Variants in DAND5 observed in about 807,000 individuals in gnomAD.
DAND5 encodes the protein DAN domain BMP antagonist family member 5.
In DAND5, 8 loss-of-function variants were observed where a neutral mutation model predicts 9.2. That is an observed-to-expected ratio of 0.87 (90% CI 0.51 to 1.56). The LOEUF (loss-of-function observed/expected upper bound fraction) is 1.56. Ranked by LOEUF, DAND5 falls within the 40% of genes most tolerant of loss-of-function variation. The probability of loss-of-function intolerance (pLI) is 0.00; values close to 1 mark genes in which losing one functional copy is unlikely to be tolerated. For missense variants in DAND5, 244 were observed against 244.7 expected (o/e 1.00, Z 0.02); for synonymous variants, 95 against 101.1 (o/e 0.94, Z 0.36).
In DAND5 at chr19:12,974,416, T is replaced by G. The variant is rs1354222846; in HGVS notation, c.*782T>G. ...TCAAATCCACTGTTAATCATTAGGCTGAACTGTCTCTTATAGAATGAGGTC... is the reference window on the plus strand; with the variant it reads ...TCAAATCCACTGTTAATCATTAGGCGGAACTGTCTCTTATAGAATGAGGTC... On this transcript the variant is annotated 3_prime_UTR_variant, in exon 2 of 2. Coordinates refer to ENST00000317060, the MANE Select transcript of DAND5 (RefSeq NM_152654.3). 2 of 152,244 alleles carry G rather than the reference T, an allele frequency of 1.3e-5. No homozygotes were observed. Among genetic ancestry groups the G allele is most frequent in the East Asian group, 3.9e-4 (2 of 5,176 alleles). The allele number at this position is 152,244 out of a possible 1,614,324, so 9.4% of individuals were successfully genotyped here.
rs1386616899 is a variant in DAND5, at chr19:12,973,257, G to A, written c.325-132G>A. Reference sequence around the variant, plus strand: ...TCTCAGCCAAGAGACAGCAGAGTCAGGATTTGAACCCAGGCAGCCTGGCTG... The same window carrying A: ...TCTCAGCCAAGAGACAGCAGAGTCAAGATTTGAACCCAGGCAGCCTGGCTG... On this transcript the variant is annotated intron_variant, in intron 1 of 1. Coordinates refer to ENST00000317060, the MANE Select transcript of DAND5 (RefSeq NM_152654.3). The A allele has an allele frequency of 2.3e-6, 3 of 1,305,850 alleles. No individual in the cohort carries two copies. In the African/African-American group the frequency reaches 4.4e-5, roughly 19 times the overall value. 80.9% of individuals were successfully genotyped at this position (1,305,850 alleles called of 1,614,324 possible).
chr19:12,973,013 C>A (rs1227602965), intron 1 of DAND5, among the ~76,000 whole-genome samples: 1 of 151,788 alleles, frequency 6.6e-6, no homozygotes, highest in Non-Finnish European at 1.5e-5. Context: ...CAGGCGCCCA[C>A]CACCACGCCC....
At position 12,969,635 on chromosome 19, in the gene DAND5, A is replaced by C. The variant is rs1330001306; in HGVS notation, c.-26A>C. ...TTGAGCCCAGTCCGGACAGACAGACAGGCAGACAGACGCACGGACAAGCAG... is the reference window on the plus strand; with the variant it reads ...TTGAGCCCAGTCCGGACAGACAGACCGGCAGACAGACGCACGGACAAGCAG... On this transcript the variant is annotated 5_prime_UTR_variant, in exon 1 of 2. Coordinates refer to ENST00000317060, the MANE Select transcript of DAND5 (RefSeq NM_152654.3). 6.4e-7 allele frequency: 1 copy of C among 1,573,060 alleles called. No homozygotes were observed. Among genetic ancestry groups the C allele is most frequent in the Non-Finnish European group, 8.6e-7 (1 of 1,162,314 alleles).
Position 12,973,541 on chromosome 19 carries a change from C to T in DAND5, c.477C>T (p.Val159=). 6.2e-7 allele frequency: 1 copy of T among 1,614,178 alleles called. No homozygotes were observed. The change falls in exon 2 of 2, where the codon GTC becomes GTT. Residue 159 remains valine (V), a synonymous_variant. Coordinates refer to ENST00000317060, the MANE Select transcript of DAND5 (RefSeq NM_152654.3). Reference sequence around the variant, plus strand: ...CTCGCAAGCGTTGGGCACCCGTGGTCCTGTGGTGTCTCACTGGCAGCTCAG... The same window carrying T: ...CTCGCAAGCGTTGGGCACCCGTGGTTCTGTGGTGTCTCACTGGCAGCTCAG... ...MPARKRWAPV[V]LWCLTGSSAS...
chr19:12,971,243 T>A (rs926931309), intron 1 of DAND5, among the ~76,000 whole-genome samples: 5 of 152,098 alleles, frequency 3.3e-5, no homozygotes, highest in Non-Finnish European at 7.3e-5. Context: ...ATATCCTGCT[T>A]GGCTTTTCTT....
At chr19:12,970,598 C>T (rs2011141476) in intron 1 of DAND5, 2 of 485,250 alleles carry the variant, frequency 4.1e-6, no homozygotes, top group South Asian at 7.0e-5. Context: ...CTTTCTTTTT[C>T]TCTTTCTTTC....
Position 12,969,786 on chromosome 19 carries a change from T to C in DAND5, c.126T>C (p.Ala42=). 1 of 1,593,530 alleles carries C rather than the reference T, an allele frequency of 6.3e-7. No homozygotes were observed. Among genetic ancestry groups the C allele is most frequent in the Non-Finnish European group, 8.5e-7 (1 of 1,170,978 alleles). ...QSWAAANQTW[A]LGPGALPPLV... is the part of the protein sequence containing the mutation. ...GGGCTGCAGCCAATCAGACCTGGGCTCTGGGCCCAGGGGCCCTGCCCCCAC... is the reference window on the plus strand; with the variant it reads ...GGGCTGCAGCCAATCAGACCTGGGCCCTGGGCCCAGGGGCCCTGCCCCCAC... The change falls in exon 1 of 2, where the codon GCT becomes GCC. Residue 42 remains alanine (A), a synonymous_variant. Coordinates refer to ENST00000317060, the MANE Select transcript of DAND5 (RefSeq NM_152654.3).
At chr19:12,972,119 T>C (rs755192067) in intron 1 of DAND5, among the ~76,000 whole-genome samples, 130 of 147,938 alleles carry the variant, frequency 8.8e-4, no homozygotes, top group Non-Finnish European at 1.6e-3. Context: ...AGTGCGGTGG[T>C]GGGATCTCGG....
chr19:12,973,094 C>A (rs957379732), intron 1 of DAND5, among the ~76,000 whole-genome samples: 5 of 150,992 alleles, frequency 3.3e-5, no homozygotes, highest in Non-Finnish European at 7.4e-5. Context: ...GATCTGCTGA[C>A]CTCGTGATCC....
At chr19:12,973,315 T>A (rs900513916) in intron 1 of DAND5, 74 bp from the exon 2 acceptor site, 2 of 1,556,760 alleles carry the variant, frequency 1.3e-6, no homozygotes, top group Admixed American at 3.5e-5. Flanking sequence ...GGGGTGGAAG[T>A]GGACAGGTGA....
chr19:12,973,266 C>A, intron 1 of DAND5, 123 bp from the exon 2 acceptor site: 2 of 1,397,564 alleles, frequency 1.4e-6, no homozygotes, highest in East Asian at 2.4e-5. Flanking sequence ...AGGATTTGAA[C>A]CCAGGCAGCC....
Position 12,972,081 on chromosome 19 carries a change from C to T in DAND5, c.325-1308C>T, listed in dbSNP as rs569047129. The stretch of plus-strand genomic sequence containing the variant: ...ATATTTTTTTTTTTTTTTTTTGAGA[C>T]GGAGTCTCGCTCTGTCGCCCAGGCT... On this transcript the variant is annotated intron_variant, in intron 1 of 1. Coordinates refer to ENST00000317060, the MANE Select transcript of DAND5 (RefSeq NM_152654.3). Among the ~76,000 whole-genome samples, 352 of 142,532 alleles carry T rather than the reference C, an allele frequency of 2.5e-3. 2 individuals carry two copies. Among genetic ancestry groups the T allele is most frequent in the African/African-American group, 8.8e-3 (334 of 38,162 alleles). The allele number at this position is 142,532 out of a possible 152,430, so 93.5% of individuals were successfully genotyped here.
chr19:12,971,667 C>T (rs912954887), intron 1 of DAND5, among the ~76,000 whole-genome samples: 1 of 151,288 alleles, frequency 6.6e-6, no homozygotes, highest in Non-Finnish European at 1.5e-5. Flanking sequence ...TCTCGGCTCA[C>T]TGCACCTCCA....
rs774578194 is a variant in DAND5 at position 12,973,670 on chromosome 19, C to T, written c.*36C>T. 1 of 1,596,302 alleles carries T rather than the reference C, an allele frequency of 6.3e-7. No individual in the cohort carries two copies. Among genetic ancestry groups the T allele is most frequent in the South Asian group, 1.1e-5 (1 of 87,886 alleles). On this transcript the variant is annotated 3_prime_UTR_variant, in exon 2 of 2. Coordinates refer to ENST00000317060, the MANE Select transcript of DAND5 (RefSeq NM_152654.3). ...GTGGATGGGTGCACGGAGACACGCA[C>T]CTTGGAGAAATGAGGGGAGATGGAC...
intron 1 of DAND5, among the ~76,000 whole-genome samples, chr19:12,971,612 G>A (rs938340694): frequency 1.3e-5 from 2 of 149,470 alleles, no homozygotes; most frequent in African/African-American, 4.9e-5. Context: ...TGTTTTTTGA[G>A]ACAGAGTCTC....
rs775699908 is a variant in DAND5 at position 12,973,579 on chromosome 19, G to A, written c.515G>A (p.Arg172Gln). 2.4e-5 allele frequency: 38 copies of A among 1,613,968 alleles called. No homozygotes were observed. Among genetic ancestry groups the A allele is most frequent in the Middle Eastern group, 1.6e-4 (1 of 6,084 alleles). ...ACTGGCAGCTCAGCCTCCCGTCGAC[G>A]GGTGAAGATATCCACCATGCTGATC... The part of the protein sequence containing the change: ...CLTGSSASRR[R>Q]VKISTMLIEG... Residue 172 changes from arginine (R) to glutamine (Q), a missense_variant, in exon 2 of 2, where the codon CGG becomes CAG. By Grantham distance (43) the Arg-to-Gln change is conservative. Transcript: ENST00000317060.
rs777274489 is a variant in DAND5 at position 12,969,581 on chromosome 19, C to T, written c.-80C>T. ...GTTCAGAAGGCTCAGATGCCACTCA[C>T]CAGACAGCAGGGTCGACTGCTAGTG... On this transcript the variant is annotated 5_prime_UTR_variant, in exon 1 of 2. Transcript: ENST00000317060. 4 of 1,477,766 alleles carry T rather than the reference C, an allele frequency of 2.7e-6. No homozygotes were observed. The highest frequency in any genetic ancestry group is 2.7e-6 in the Non-Finnish European group (3 of 1,100,432). The allele number at this position is 1,477,766 out of a possible 1,614,324, so 91.5% of individuals were successfully genotyped here. A position where few individuals can be genotyped will look rare whatever the true frequency, so the allele number is the denominator to read the frequency against.
In DAND5 at chr19:12,972,923, C is replaced by T. The variant is rs184391495; in HGVS notation, c.325-466C>T. Among the ~76,000 whole-genome samples the T allele has an allele frequency of 2.3e-3, 318 of 136,778 alleles. 2 individuals carry two copies. Among genetic ancestry groups the T allele is most frequent in the East Asian group, 4.2e-3 (18 of 4,286 alleles). 89.7% of individuals were successfully genotyped at this position (136,778 alleles called of 152,430 possible). A position where few individuals can be genotyped will look rare whatever the true frequency, so the allele number is the denominator to read the frequency against. ...CTGTCCCCAGGCTGGAGTGCAGTGG[C>T]GCTATCTCGGCTCACTACAAGCTCC... On this transcript the variant is annotated intron_variant, in intron 1 of 1. Transcript: ENST00000317060.
chr19:12,970,587 T>A, intron 1 of DAND5: 1 of 498,386 alleles, frequency 2.0e-6, no homozygotes, highest in Non-Finnish European at 3.6e-6. Flanking sequence ...TTTCTTTCTT[T>A]CTTTCTTTTT....
Sources: gnomAD v4.1 joint callset for allele counts (sites outside exome capture counted in the v4.1 genomes callset) on GRCh38, gnomAD v4.1.1 for gene constraint, MANE v1.5 for transcripts, NCBI Gene and HGNC (gene_info 2026-07-23, HGNC 2026-07-21) for gene names.